The following ERC2 variants were observed in gnomAD, a reference collection of about 807,000 sequenced individuals.
ERC2 encodes ERC protein 2.
A neutral mutation model predicts 114.8 loss-of-function variants in ERC2; 42 were observed. The ratio of observed to expected loss-of-function variants is 0.37; its 90% CI spans 0.29 to 0.47. ERC2 has a LOEUF of 0.47. ERC2 is among the 20% of genes least tolerant of loss of function. The pLI is 0.99. For synonymous variants in ERC2, 454 were observed against 425.5 expected, an observed-to-expected ratio of 1.07 and a Z score of -0.82; for missense variants, 939 against 1,150.7, an observed-to-expected ratio of 0.82 and a Z score of 2.66.
At chr3:56,260,854 G>T (rs1487069273) in intron 3 of ERC2, among the ~76,000 whole-genome samples, 1 of 152,152 alleles carries the variant, frequency 6.6e-6, no homozygotes, top group Non-Finnish European at 1.5e-5. Flanking sequence ...GTCCCAGCAT[G>T]ACCCACAACC....
intron 14 of ERC2, among the ~76,000 whole-genome samples, chr3:55,788,911 T>C (rs1318921022): frequency 6.6e-6 from 1 of 152,176 alleles, no homozygotes. Flanking sequence ...AACTAGAACA[T>C]AACCAGCACC....
chr3:55,882,271 C>G (rs1455583483), intron 14 of ERC2, among the ~76,000 whole-genome samples: 2 of 152,214 alleles, frequency 1.3e-5, no homozygotes, highest in Non-Finnish European at 2.9e-5. Flanking sequence ...CCTTTCCCTT[C>G]TGCCGTAAGT....
rs1189706497 is a variant in ERC2, at chr3:55,742,513, T to C, written c.2565-7595A>G. Among the ~76,000 whole-genome samples, 3 of 152,190 alleles carry C rather than the reference T, an allele frequency of 2.0e-5. No homozygotes were observed. The East Asian group carries it at 5.8e-4, about 29-fold the overall frequency. ...ATTACAAAAGCAGATGCTTAAAAAA[T>C]GCATTCCATTAAGAATGTTTGGATA... On this transcript the variant is annotated intron_variant, in intron 14 of 17. Coordinates refer to ENST00000288221, the MANE Select transcript of ERC2 (RefSeq NM_015576.3).
intron 3 of ERC2, among the ~76,000 whole-genome samples, chr3:56,291,154 T>C (rs1202960279): frequency 1.3e-5 from 2 of 152,190 alleles, no homozygotes; most frequent in African/African-American, 2.4e-5. Flanking sequence ...ATGAGATCAG[T>C]TGTGTTTCAA....
chr3:55,552,437 C>T (rs2107429047), intron 17 of ERC2, among the ~76,000 whole-genome samples: 1 of 152,218 alleles, frequency 6.6e-6, no homozygotes, highest in East Asian at 1.9e-4. Flanking sequence ...CTCATTCTTC[C>T]TCCCTGGCTT....
At chr3:56,357,511 G>T (rs1244536123) in intron 2 of ERC2, among the ~76,000 whole-genome samples, 3 of 151,974 alleles carry the variant, frequency 2.0e-5, no homozygotes, top group African/African-American at 7.3e-5. Flanking sequence ...CACCTCTTCA[G>T]CTTGAGCTCC....
intron 17 of ERC2, among the ~76,000 whole-genome samples, chr3:55,660,068 T>C (rs2061056196): frequency 6.6e-6 from 1 of 151,786 alleles, no homozygotes; most frequent in Admixed American, 6.6e-5. Context: ...TACTGCATCA[T>C]TAGCTTCTCA....
chr3:56,385,147 A>G (rs755155596), intron 2 of ERC2, among the ~76,000 whole-genome samples: 1 of 152,194 alleles, frequency 6.6e-6, no homozygotes, highest in Admixed American at 6.5e-5. Flanking sequence ...TAAACTAGGT[A>G]GATTATTAGC....
intron 2 of ERC2, among the ~76,000 whole-genome samples, chr3:56,420,650 C>T (rs558546551): frequency 1.3e-5 from 2 of 151,734 alleles, no homozygotes; most frequent in South Asian, 2.1e-4. Flanking sequence ...CTTTGGGAGG[C>T]CAAGACAGGC....
chr3:56,111,010 G>T (rs1279634649), intron 6 of ERC2, among the ~76,000 whole-genome samples: 1 of 151,908 alleles, frequency 6.6e-6, no homozygotes, highest in African/African-American at 2.4e-5. Flanking sequence ...AGGGGGTGGG[G>T]GTAGGGCCAC....
chr3:56,282,382 G>A (rs1015072567), intron 3 of ERC2, among the ~76,000 whole-genome samples: 2 of 152,164 alleles, frequency 1.3e-5, no homozygotes, highest in African/African-American at 4.8e-5. Flanking sequence ...GAAACCAGAT[G>A]AGAAGCCCAA....
At chr3:56,250,394 A>T (rs1036864430) in intron 3 of ERC2, among the ~76,000 whole-genome samples, 4 of 152,250 alleles carry the variant, frequency 2.6e-5, no homozygotes, top group African/African-American at 9.6e-5. Flanking sequence ...TTTAGGAAGT[A>T]TGAGAATTTT....
chr3:55,970,917 GCTAAAAA>G (rs1032089178), intron 12 of ERC2, among the ~76,000 whole-genome samples: 45 of 152,120 alleles, frequency 3.0e-4, no homozygotes, highest in African/African-American at 1.0e-3. Context: ...TTTCATATCA[GCTAAAAA>G]CTGGAAACAA....
chr3:55,770,783 C>T (rs1181084749), intron 14 of ERC2, among the ~76,000 whole-genome samples: 1 of 152,026 alleles, frequency 6.6e-6, no homozygotes, highest in Non-Finnish European at 1.5e-5. Context: ...TCTCCTAATG[C>T]TCTCCCTCCC....
At chr3:55,909,097 C>A (rs1369775132) in intron 13 of ERC2, among the ~76,000 whole-genome samples, 1 of 152,168 alleles carries the variant, frequency 6.6e-6, no homozygotes, top group South Asian at 2.1e-4. Flanking sequence ...AGCCAAAAAG[C>A]TGGAAAATGG....
rs1467445236 is a variant in ERC2, at chr3:56,434,601, G to A, written c.407C>T (p.Pro136Leu). The change falls in exon 2 of 18, where the codon CCC (proline) becomes CTC (leucine). Residue 136 changes from proline to leucine, a missense_variant. Transcript: ENST00000288221. ...GSSHHHHHQV[P>L]SMLRQVRDST... ...GTCTCTTACCTGCCTCAACATGGAG[G>A]GGACCTGGTGGTGGTGATGATGGGA... 50 of 1,613,830 alleles carry A rather than the reference G, an allele frequency of 3.1e-5. No individual in the cohort carries two copies. The highest frequency in any genetic ancestry group is 4.1e-5 in the Non-Finnish European group (48 of 1,179,898).
At chr3:56,203,702 G>C (rs1440087929) in intron 3 of ERC2, among the ~76,000 whole-genome samples, 2 of 152,126 alleles carry the variant, frequency 1.3e-5, no homozygotes, top group Admixed American at 6.6e-5. Context: ...ATATACAAAG[G>C]TCAAATTGAA....
In ERC2 at chr3:56,203,887, G is replaced by GA. The variant is rs1560366760; in HGVS notation, c.1075-30368dup. Among the ~76,000 whole-genome samples the GA allele has an allele frequency of 4.6e-5, 7 of 152,242 alleles. No homozygotes were observed. The South Asian group carries it at 1.2e-3, about 27-fold the overall frequency. On this transcript the variant is annotated intron_variant, in intron 3 of 17. Coordinates refer to ENST00000288221, the MANE Select transcript of ERC2 (RefSeq NM_015576.3). ...CAAGAGATGTCTTACATTGCTTTAG[G>GA]AAAAAACTAACAGGCCGGGCCTGGT...
chr3:56,125,833 A>G (rs555594101), intron 6 of ERC2, among the ~76,000 whole-genome samples: 1 of 152,350 alleles, frequency 6.6e-6, no homozygotes, highest in African/African-American at 2.4e-5. Context: ...ATAAATGAGG[A>G]CATGAAGTCC....
Sources: gnomAD v4.1 joint callset for allele counts (sites outside exome capture counted in the v4.1 genomes callset) on GRCh38, gnomAD v4.1.1 for gene constraint, MANE v1.5 for transcripts, NCBI Gene and HGNC (gene_info 2026-07-23, HGNC 2026-07-21) for gene names.